The following BIRC6 variants were observed in gnomAD, a reference collection of about 807,000 sequenced individuals.
BIRC6 encodes the protein dual E2 ubiquitin-conjugating enzyme/E3 ubiquitin-protein ligase BIRC6.
Under a neutral mutation model 503.3 loss-of-function variants are expected in BIRC6, and 98 were observed. The observed-to-expected ratio is 0.19, with a 90% confidence interval of 0.17 to 0.23. BIRC6 has a LOEUF of 0.23. Among genes scored for constraint, BIRC6 ranks in the 10% least tolerant of loss-of-function variants. The pLI, the probability that BIRC6 is intolerant of heterozygous loss-of-function variation, is 1.00. For missense variants in BIRC6, 5,360 were observed against 5,806.0 expected (o/e 0.92, Z 2.50); for synonymous variants, 2,240 against 2,078.7 (o/e 1.08, Z -2.11).
At position 32,468,622 on chromosome 2, in the gene BIRC6, A is replaced by G. The variant is rs367548056; in HGVS notation, c.5966A>G (p.Asn1989Ser). 2 of 1,614,012 alleles carry G rather than the reference A, an allele frequency of 1.2e-6. No individual in the cohort carries two copies. Among genetic ancestry groups the G allele is most frequent in the Non-Finnish European group, 1.7e-6 (2 of 1,179,874 alleles). The change falls in exon 29 of 74, where the codon AAT becomes AGT. Residue 1989 changes from asparagine to serine, a missense_variant. Physicochemically the swap from Asn to Ser is conservative, Grantham distance 46. This residue lies in a region of BIRC6 where 2,299 missense variants were observed against 2,267.2 expected (regional missense o/e 1.01). Coordinates refer to ENST00000421745, the MANE Select transcript of BIRC6 (RefSeq NM_016252.4). Reference protein sequence around the residue: ...QLQLQLNLAHNAVQRLKVALG... With the variant: ...QLQLQLNLAHSAVQRLKVALG... Reference sequence around the variant, plus strand: ...CAGCTTCAACTAAATTTGGCTCATAATGCAGTGCAGAGGCTCAAAGTGGCG... The same window carrying G: ...CAGCTTCAACTAAATTTGGCTCATAGTGCAGTGCAGAGGCTCAAAGTGGCG...
At chr2:32,421,878 C>A (rs531937846) in intron 10 of BIRC6, among the ~76,000 whole-genome samples, 7 of 152,262 alleles carry the variant, frequency 4.6e-5, no homozygotes, top group African/African-American at 1.7e-4. Context: ...TGAAGTCTTC[C>A]TGATTTTATA....
chr2:32,609,683 A>G (rs1421744480), intron 72 of BIRC6, among the ~76,000 whole-genome samples: 3 of 150,918 alleles, frequency 2.0e-5, no homozygotes, highest in Non-Finnish European at 4.4e-5. Context: ...ACAAAGTTGG[A>G]TACTTTACTT....
chr2:32,496,784 G>C (rs1210382752), intron 45 of BIRC6, among the ~76,000 whole-genome samples: 2 of 152,148 alleles, frequency 1.3e-5, no homozygotes, highest in African/African-American at 4.8e-5. Context: ...AGTTTGGGCA[G>C]ATGTATTGCT....
chr2:32,481,404 C>T lies in BIRC6; in HGVS notation c.7493C>T (p.Pro2498Leu), dbSNP rs1401653507. 1 of 1,611,542 alleles carries T rather than the reference C, an allele frequency of 6.2e-7. No individual in the cohort carries two copies. Among genetic ancestry groups the T allele is most frequent in the Admixed American group, 1.7e-5 (1 of 59,718 alleles). ...LQDLMEVDID[P>L]LDIDLEKDPL... The stretch of plus-strand genomic sequence containing the variant: ...GATCTAATGGAAGTTGACATTGATC[C>T]TTTAGATATTGATTTGGAAAAGGAC... Residue 2498 changes from proline to leucine, a missense_variant, in exon 38 of 74, where the codon CCT becomes CTT. By Grantham distance (98) the Pro-to-Leu change is moderately conservative. Transcript: ENST00000421745.
At chr2:32,451,422 G>T (rs62136302) in intron 22 of BIRC6, among the ~76,000 whole-genome samples, 9,007 of 152,188 alleles carry the variant, frequency 0.059, 429 homozygotes, top group Admixed American at 0.14. Context: ...GATGTTATTT[G>T]TCTTTTTGAT....
chr2:32,504,307 C>T (rs1425674321), intron 49 of BIRC6, among the ~76,000 whole-genome samples: 1 of 151,896 alleles, frequency 6.6e-6, no homozygotes, highest in African/African-American at 2.4e-5. Flanking sequence ...AAATCATAGA[C>T]ATTGACATCT....
At chr2:32,603,200 G>A (rs779749406) in intron 71 of BIRC6, 117 bp downstream of exon 71, 2 of 661,208 alleles carry the variant, frequency 3.0e-6, no homozygotes, top group Non-Finnish European at 4.9e-6. Context: ...AGATTACTAG[G>A]AAATGCATAT....
At chr2:32,424,900 G>A (rs2043316135) in intron 10 of BIRC6, among the ~76,000 whole-genome samples, 1 of 152,126 alleles carries the variant, frequency 6.6e-6, no homozygotes, top group Non-Finnish European at 1.5e-5. Context: ...AAGGGTCCCA[G>A]TTTTTCTACA....
chr2:32,514,796 T>G (rs2054843634), intron 54 of BIRC6, among the ~76,000 whole-genome samples, 194 bp from the exon 55 acceptor site: 1 of 152,184 alleles, frequency 6.6e-6, no homozygotes, highest in African/African-American at 2.4e-5. Context: ...TGTACCTACA[T>G]TCTTCAATTT....
intron 1 of BIRC6, among the ~76,000 whole-genome samples, chr2:32,374,535 T>C (rs962547845): frequency 2.0e-5 from 3 of 151,286 alleles, no homozygotes; most frequent in African/African-American, 7.3e-5. Flanking sequence ...TGCAGTGGCG[T>C]GATCTTGGCT....
At chr2:32,370,921 A>G (rs556694141) in intron 1 of BIRC6, among the ~76,000 whole-genome samples, 2 of 152,144 alleles carry the variant, frequency 1.3e-5, no homozygotes, top group Non-Finnish European at 2.9e-5. Flanking sequence ...TTCTTGTAAC[A>G]TTTTTGCAAG....
chr2:32,464,832 T>A lies in BIRC6; in HGVS notation c.5256+9T>A. 1.3e-6 allele frequency: 2 copies of A among 1,593,412 alleles called. No individual in the cohort carries two copies. The highest frequency in any genetic ancestry group is 2.7e-5 in the African/African-American group (2 of 74,308). ...CCAACAAGTCCAGAATGGTAAATTATGTTTTAAATAGGTGTTGGCTTAGAC... is the reference window on the plus strand; with the variant it reads ...CCAACAAGTCCAGAATGGTAAATTAAGTTTTAAATAGGTGTTGGCTTAGAC... On this transcript the variant is annotated intron_variant, in intron 25 of 73. Transcript: ENST00000421745.
At chr2:32,558,924 G>A (rs555245265) in intron 65 of BIRC6, 4 of 151,966 alleles carry the variant, frequency 2.6e-5, no homozygotes, top group African/African-American at 9.7e-5. Flanking sequence ...GTTTTTTTAG[G>A]TTTTTTATAT....
At chr2:32,527,301 G>A (rs1231406984) in intron 59 of BIRC6, 1 of 152,162 alleles carries the variant, frequency 6.6e-6, no homozygotes, top group African/African-American at 2.4e-5. Context: ...GTAGGAGTTT[G>A]TTATTCCTTG....
chr2:32,485,010 C>T (rs2050834729), intron 39 of BIRC6, among the ~76,000 whole-genome samples: 2 of 152,140 alleles, frequency 1.3e-5, no homozygotes, highest in South Asian at 4.1e-4. Context: ...ACATGATAGC[C>T]CAGGCTCATC....
intron 50 of BIRC6, among the ~76,000 whole-genome samples, chr2:32,507,468 C>G (rs1261762935): frequency 6.6e-6 from 1 of 152,070 alleles, no homozygotes; most frequent in Non-Finnish European, 1.5e-5. Flanking sequence ...AAAAAAATTT[C>G]TAAACTCAGC....
intron 1 of BIRC6, among the ~76,000 whole-genome samples, chr2:32,358,381 G>T (rs913840333): frequency 6.6e-6 from 1 of 152,200 alleles, no homozygotes; most frequent in Admixed American, 6.5e-5. Context: ...TTTCAGATGC[G>T]TGAGGTGTAT....
chr2:32,507,081 T>A (rs968081880), intron 50 of BIRC6, among the ~76,000 whole-genome samples: 2 of 152,174 alleles, frequency 1.3e-5, no homozygotes, highest in Non-Finnish European at 2.9e-5. Context: ...TGGGGACTCC[T>A]TAAATTTCAG....
chr2:32,402,222 A>G (rs1310074290), intron 8 of BIRC6, among the ~76,000 whole-genome samples: 2 of 152,266 alleles, frequency 1.3e-5, no homozygotes, highest in East Asian at 3.9e-4. Context: ...GTGGGGTGGG[A>G]GAGTCAAAGT....
Sources: allele counts gnomAD v4.1 joint callset (sites outside exome capture counted in the v4.1 genomes callset), GRCh38; gene constraint gnomAD v4.1.1; regional missense constraint gnomAD v4.1.1; transcripts MANE v1.5; gene names NCBI Gene and HGNC (gene_info 2026-07-23, HGNC 2026-07-21).